Variants in CEP20 observed in about 807,000 individuals in gnomAD.
CEP20 encodes centrosomal protein 20, also known as FGFR1OP N-terminal like.
In CEP20, 18 loss-of-function variants were observed where a neutral mutation model predicts 20.0. That is an observed-to-expected ratio of 0.90 (90% CI 0.62 to 1.34). CEP20 has a LOEUF of 1.34. CEP20 is among the 40% of genes most tolerant of loss of function. The pLI is 0.00. For synonymous variants in CEP20, 77 were observed against 73.7 expected, an observed-to-expected ratio of 1.04 and a Z score of -0.23; for missense variants, 215 against 201.6, an observed-to-expected ratio of 1.07 and a Z score of -0.40.
chr16:15,871,033 G>T (rs192187764), intron 4 of CEP20, among the ~76,000 whole-genome samples: 118 of 152,104 alleles, frequency 7.8e-4, no homozygotes, highest in Non-Finnish European at 1.2e-3. Context: ...GAGGCCAAGG[G>T]GGGTGGATTG....
At chr16:15,878,692 G>A (rs530877749) in intron 3 of CEP20, among the ~76,000 whole-genome samples, 2 of 152,144 alleles carry the variant, frequency 1.3e-5, no homozygotes, top group South Asian at 4.2e-4. Flanking sequence ...TAGAGATGGG[G>A]TTTCGCCATG....
intron 2 of CEP20, among the ~76,000 whole-genome samples, chr16:15,881,006 T>C (rs2045084127): frequency 6.6e-6 from 1 of 151,992 alleles, no homozygotes; most frequent in African/African-American, 2.4e-5. Context: ...TCATTATATA[T>C]TACAACACAA....
At chr16:15,868,822 T>C (rs2044745110) in intron 4 of CEP20, among the ~76,000 whole-genome samples, 1 of 152,156 alleles carries the variant, frequency 6.6e-6, no homozygotes, top group South Asian at 2.1e-4. Context: ...AAAAGTGTTA[T>C]AAAAAATGAA....
chr16:15,886,131 C>T (rs1417740591), intron 1 of CEP20: 1 of 152,354 alleles, frequency 6.6e-6, no homozygotes, highest in East Asian at 1.9e-4. Flanking sequence ...GTTCTGCACC[C>T]TGCCAAAGGC....
chr16:15,870,822 A>G (rs1202156927), intron 4 of CEP20, among the ~76,000 whole-genome samples: 1 of 152,104 alleles, frequency 6.6e-6, no homozygotes, highest in Admixed American at 6.5e-5. Flanking sequence ...AAAATTAAAA[A>G]AAGGATGATT....
At chr16:15,879,980 T>C (rs2045061727) in intron 2 of CEP20, 92 bp from the exon 3 acceptor site, 1 of 856,682 alleles carries the variant, frequency 1.2e-6, no homozygotes, top group Admixed American at 3.0e-5. Context: ...GACATACACT[T>C]TTTAGATTTT....
At chr16:15,874,530 C>G (rs1385599690) in intron 3 of CEP20, among the ~76,000 whole-genome samples, 1 of 152,160 alleles carries the variant, frequency 6.6e-6, no homozygotes, top group East Asian at 1.9e-4. Context: ...ACTCTTGCAT[C>G]AAGGAAAGCT....
chr16:15,873,762 C>T (rs140243838), intron 3 of CEP20, 135 bp from the exon 4 acceptor site: 12 of 1,028,848 alleles, frequency 1.2e-5, no homozygotes, highest in Admixed American at 3.5e-5. Flanking sequence ...CTTTAAAAAG[C>T]GGCATGATTA....
At chr16:15,879,711 GAATA>G (rs2045052055) in intron 3 of CEP20, 89 bp downstream of exon 3, 4 of 739,446 alleles carry the variant, frequency 5.4e-6, no homozygotes, top group Non-Finnish European at 9.0e-6. Flanking sequence ...CACTAGATCT[GAATA>G]AATACTTGAA....
In CEP20 at chr16:15,868,337, T is replaced by G. The variant is rs532454568; in HGVS notation, c.449-821A>C. On this transcript the variant is annotated intron_variant, in intron 4 of 4. Coordinates refer to ENST00000255759, the MANE Select transcript of CEP20 (RefSeq NM_144600.4). The stretch of plus-strand genomic sequence containing the variant: ...ACTTGGGAGGCTGAGGGCAGGAGAA[T>G]CGCTTGAACTCAGAAGTGGAGGTTG... Among the ~76,000 whole-genome samples, 181 of 151,900 alleles carry G rather than the reference T, an allele frequency of 1.2e-3. 1 individual carries two copies. Among genetic ancestry groups the G allele is most frequent in the Non-Finnish European group, 2.2e-3 (149 of 67,926 alleles).
intron 1 of CEP20, among the ~76,000 whole-genome samples, chr16:15,884,669 TTC>T (rs2045198686): frequency 6.6e-6 from 1 of 152,064 alleles, no homozygotes; most frequent in South Asian, 2.1e-4. Context: ...GCCCAACTAT[TTC>T]TTTTTTGTAT....
intron 3 of CEP20, among the ~76,000 whole-genome samples, chr16:15,878,582 C>T (rs62031715): frequency 0.11 from 16,740 of 151,810 alleles, 993 homozygotes; most frequent in Middle Eastern, 0.17. Flanking sequence ...CTGCAACCTC[C>T]GCTGCCCAGG....
chr16:15,867,973 C>CAA (rs34250443), intron 4 of CEP20, among the ~76,000 whole-genome samples: 160 of 69,556 alleles, frequency 2.3e-3, no homozygotes, highest in Middle Eastern at 0.015. Flanking sequence ...AACTCGGTCT[C>CAA]AAAAAAAAAA....
At chr16:15,871,929 A>G (rs2044828597) in intron 4 of CEP20, among the ~76,000 whole-genome samples, 1 of 132,800 alleles carries the variant, frequency 7.5e-6, no homozygotes, top group African/African-American at 2.8e-5. Context: ...GCGTTTCCTA[A>G]AAGTTTCCTA....
In CEP20 at chr16:15,879,848, G is replaced by T; in HGVS notation, c.267C>A (p.Leu89=). Residue 89 remains leucine (L), a synonymous_variant, in exon 3 of 5, where the codon CTC becomes CTA. Transcript: ENST00000255759. ...QPVVPLDRQF[L]IHELNAFEES... ...CTTCAAATGCATTTAGTTCATGGAT[G>T]AGAAACTGTCTGTCCAACGGAACTA... 1 of 1,569,218 alleles carries T rather than the reference G, an allele frequency of 6.4e-7. No individual in the cohort carries two copies. The highest frequency in any genetic ancestry group is 2.4e-5 in the East Asian group (1 of 41,342).
intron 1 of CEP20, among the ~76,000 whole-genome samples, chr16:15,888,021 T>A (rs1222368241): frequency 6.8e-6 from 1 of 147,896 alleles, no homozygotes; most frequent in South Asian, 2.1e-4. Flanking sequence ...GAAGCTGCAG[T>A]GAGCTGTGAT....
At chr16:15,874,821 G>A (rs1240186800) in intron 3 of CEP20, among the ~76,000 whole-genome samples, 1 of 152,110 alleles carries the variant, frequency 6.6e-6, no homozygotes, top group African/African-American at 2.4e-5. Flanking sequence ...TGACTTCAGA[G>A]GCCACGTGGT....
rs1597016467 is a variant in CEP20 at position 15,888,600 on chromosome 16, C to T, written c.-15G>A. 6.2e-7 allele frequency: 1 copy of T among 1,613,994 alleles called. No homozygotes were observed. The highest frequency in any genetic ancestry group is 8.5e-7 in the Non-Finnish European group (1 of 1,179,942). ...ACAGTCGCCATTTTTCAACGGCCGC[C>T]AGGGCCGCACCGCGGCCCTGCGCAC... On this transcript the variant is annotated 5_prime_UTR_variant, in exon 1 of 5. Coordinates refer to ENST00000255759, the MANE Select transcript of CEP20 (RefSeq NM_144600.4).
intron 2 of CEP20, 130 bp from the exon 3 acceptor site, chr16:15,880,018 A>G (rs1181812534): frequency 3.2e-6 from 2 of 619,666 alleles, no homozygotes; most frequent in African/African-American, 2.0e-5. Context: ...ACACACCAAG[A>G]CAGATCAAAT....
Sources: allele counts gnomAD v4.1 joint callset (sites outside exome capture counted in the v4.1 genomes callset), GRCh38; gene constraint gnomAD v4.1.1; transcripts MANE v1.5; gene names NCBI Gene and HGNC (gene_info 2026-07-23, HGNC 2026-07-21).